Variants in BSDC1 observed in about 807,000 individuals in gnomAD.
The protein encoded by BSDC1 is BSD domain containing 1.
A neutral mutation model predicts 56.0 loss-of-function variants in BSDC1; 29 were observed. That is an observed-to-expected ratio of 0.52 (90% CI 0.39 to 0.71). BSDC1 has a LOEUF of 0.71. Among genes scored for constraint, BSDC1 ranks in the 30% least tolerant of loss-of-function variants. The pLI, the probability that BSDC1 is intolerant of heterozygous loss-of-function variation, is 0.00. For synonymous variants in BSDC1, 210 were observed against 215.3 expected (o/e 0.98, Z 0.21); for missense variants, 477 against 548.5 (o/e 0.87, Z 1.30).
chr1:32,379,821 C>T (rs767670011), intron 5 of BSDC1, among the ~76,000 whole-genome samples: 21 of 152,192 alleles, frequency 1.4e-4, no homozygotes, highest in Non-Finnish European at 2.6e-4. Context: ...TCTGGCCTTA[C>T]CTCTGACACG....
chr1:32,376,127 A>G lies in BSDC1; in HGVS notation c.1156+135T>C, dbSNP rs1022081953. On this transcript the variant is annotated intron_variant, in intron 9 of 10. Coordinates refer to ENST00000455895, the MANE Select transcript of BSDC1 (RefSeq NM_018045.8). ...AAATATGTTAGCAAATAGTCAATATATAGCAGCTGTCATCATTATCAGAAA... is the reference window on the plus strand; with the variant it reads ...AAATATGTTAGCAAATAGTCAATATGTAGCAGCTGTCATCATTATCAGAAA... 3 of 909,518 alleles carry G rather than the reference A, an allele frequency of 3.3e-6. No individual in the cohort carries two copies. The African/African-American group carries it at 4.9e-5, about 15-fold the overall frequency. The allele number at this position is 909,518 out of a possible 1,614,324, so 56.3% of individuals were successfully genotyped here. A position where few individuals can be genotyped will look rare whatever the true frequency, so the allele number is the denominator to read the frequency against.
intron 2 of BSDC1, among the ~76,000 whole-genome samples, chr1:32,387,224 A>G (rs1642702887): frequency 6.6e-6 from 1 of 152,248 alleles, no homozygotes; most frequent in Non-Finnish European, 1.5e-5. Context: ...TCAAGAGCAA[A>G]CAGGAAAAGA....
Position 32,381,326 on chromosome 1 carries a change from C to A in BSDC1, c.358-58G>T, listed in dbSNP as rs1256067641. Reference sequence around the variant, plus strand: ...TCTGAGATACTGGGCATAGAAAGCACCCTTTCTCTGCCAGGATACTCAGTC... The same window carrying A: ...TCTGAGATACTGGGCATAGAAAGCAACCTTTCTCTGCCAGGATACTCAGTC... On this transcript the variant is annotated intron_variant, in intron 4 of 10. Transcript: ENST00000455895. 5.3e-6 allele frequency: 8 copies of A among 1,503,458 alleles called. No homozygotes were observed. The Admixed American group carries it at 1.4e-4, about 27-fold the overall frequency. The allele number at this position is 1,503,458 out of a possible 1,614,324, so 93.1% of individuals were successfully genotyped here.
chr1:32,381,323 GCACC>G, intron 4 of BSDC1, 55 bp from the exon 5 acceptor site: 4 of 1,546,178 alleles, frequency 2.6e-6, no homozygotes, highest in Non-Finnish European at 3.6e-6. Context: ...GGCATAGAAA[GCACC>G]CTTTCTCTGC....
At chr1:32,386,965 T>G (rs1570164001) in intron 2 of BSDC1, 70 bp from the exon 3 acceptor site, 2 of 1,210,444 alleles carry the variant, frequency 1.7e-6, no homozygotes, top group Admixed American at 3.5e-5. Context: ...TCCCTGTGTT[T>G]CTTCAGTACC....
chr1:32,387,515 AT>A (rs1642716607), intron 2 of BSDC1, among the ~76,000 whole-genome samples: 1 of 151,892 alleles, frequency 6.6e-6, no homozygotes, highest in Admixed American at 6.6e-5. Context: ...CTAATTTTGT[AT>A]TTTTAGTAGA....
chr1:32,384,224 A>T (rs1189997456), intron 3 of BSDC1, among the ~76,000 whole-genome samples: 1 of 136,846 alleles, frequency 7.3e-6, no homozygotes, highest in East Asian at 2.2e-4. Flanking sequence ...TAGATCAGAG[A>T]TCTTTGATTG....
At chr1:32,394,003 G>C in intron 2 of BSDC1, 77 bp downstream of exon 2, 1 of 1,470,486 alleles carries the variant, frequency 6.8e-7, no homozygotes, top group Non-Finnish European at 9.3e-7. Flanking sequence ...CAAAAGTTGG[G>C]CGGGGCTGGT....
intron 10 of BSDC1, chr1:32,367,155 G>A (rs1282143591): frequency 1.0e-6 from 1 of 985,836 alleles, no homozygotes. Flanking sequence ...GTGGCCTACA[G>A]ATGCCCACTA....
At chr1:32,381,100 T>C in intron 5 of BSDC1, 114 bp downstream of exon 5, 1 of 929,268 alleles carries the variant, frequency 1.1e-6, no homozygotes, top group Non-Finnish European at 1.7e-6. Flanking sequence ...CTCACTCTGG[T>C]CTCCCTACAT....
At position 32,378,320 on chromosome 1, in the gene BSDC1, G is replaced by A; in HGVS notation, c.529-37C>T. On this transcript the variant is annotated intron_variant, in intron 6 of 10. Coordinates refer to ENST00000455895, the MANE Select transcript of BSDC1 (RefSeq NM_018045.8). This position sits in a 1 kb window ranked among gnomAD's most constrained non-coding sequence, Gnocchi z 5.2. ...GGAAAATGGAGGTGAGACTTTGGGA[G>A]TGTTTGTGTGGGGTCTGTGTCCCCA... 1 of 1,597,792 alleles carries A rather than the reference G, an allele frequency of 6.3e-7. No individual in the cohort carries two copies. Among genetic ancestry groups the A allele is most frequent in the Non-Finnish European group, 8.6e-7 (1 of 1,165,192 alleles).
intron 2 of BSDC1, among the ~76,000 whole-genome samples, chr1:32,391,265 A>T (rs752625516): frequency 2.0e-5 from 3 of 147,548 alleles, no homozygotes; most frequent in Non-Finnish European, 2.9e-5. Context: ...GGTAAAGCTG[A>T]CTGAGTAAAG....
At chr1:32,391,149 A>T (rs974574121) in intron 2 of BSDC1, among the ~76,000 whole-genome samples, 2 of 152,122 alleles carry the variant, frequency 1.3e-5, no homozygotes, top group Non-Finnish European at 2.9e-5. Flanking sequence ...CACAAATGCC[A>T]AGAGAGTAGC....
chr1:32,368,540 C>T lies in BSDC1; in HGVS notation c.1167G>A (p.Thr389=), dbSNP rs147779640. ...CTTTCTCCCAGTCCTCACTGATGTCCGTGCTTGAGCCTGGAACCACGAGCC... is the reference window on the plus strand; with the variant it reads ...CTTTCTCCCAGTCCTCACTGATGTCTGTGCTTGAGCCTGGAACCACGAGCC... The part of the protein sequence containing the change: ...PSNNGKKGSS[T]DISEDWEKDF... The change falls in exon 10 of 11, where the codon ACG becomes ACA. Residue 389 remains threonine, a synonymous_variant. Coordinates refer to ENST00000455895, the MANE Select transcript of BSDC1 (RefSeq NM_018045.8). 1,067 of 1,614,086 alleles carry T rather than the reference C, an allele frequency of 6.6e-4. 9 individuals are homozygous for T. In the African/African-American group the frequency reaches 0.012, roughly 19 times the overall value.
At chr1:32,372,639 G>A (rs1642134302) in intron 9 of BSDC1, among the ~76,000 whole-genome samples, 1 of 152,214 alleles carries the variant, frequency 6.6e-6, no homozygotes. Flanking sequence ...CACAAGGAGA[G>A]CACTAAGATC....
intron 9 of BSDC1, among the ~76,000 whole-genome samples, chr1:32,372,145 A>C (rs1234489446): frequency 1.3e-5 from 2 of 152,222 alleles, no homozygotes; most frequent in African/African-American, 4.8e-5. Context: ...CTATGTAATG[A>C]ATGGTGCTGC....
intron 9 of BSDC1, among the ~76,000 whole-genome samples, chr1:32,370,803 C>CAAA (rs58351365): frequency 3.8e-4 from 19 of 50,112 alleles, no homozygotes; most frequent in East Asian, 2.2e-3. Flanking sequence ...GACTCCGTCT[C>CAAA]AAAAAAAAAA....
chr1:32,368,423 C>T (rs1300905245), intron 10 of BSDC1, 24 bp downstream of exon 10: 3 of 1,614,038 alleles, frequency 1.9e-6, no homozygotes, highest in Non-Finnish European at 1.7e-6. Flanking sequence ...GCTCGCTTCC[C>T]TCTGACCCAC....
chr1:32,377,991 G>A lies in BSDC1; in HGVS notation c.655C>T (p.Pro219Ser), dbSNP rs1642353887. 3 of 1,613,256 alleles carry A rather than the reference G, an allele frequency of 1.9e-6. No individual in the cohort carries two copies. Among genetic ancestry groups the A allele is most frequent in the Non-Finnish European group, 2.5e-6 (3 of 1,179,590 alleles). ...TTACCTTCCTCCTCCTCCCAGCCGG[G>A]CTCTTCAGAGATGCTCTGTTCCGCC... ...QRAEQSISEE[P>S]GWEEEEEELM... The change falls in exon 8 of 11, where the codon CCC (proline) becomes TCC (serine). Residue 219 changes from proline (P) to serine (S), a missense_variant. By Grantham distance (74) the Pro-to-Ser change is moderately conservative. Transcript: ENST00000455895.
Sources: gnomAD v4.1 joint callset for allele counts (sites outside exome capture counted in the v4.1 genomes callset) on GRCh38, gnomAD v4.1.1 for gene constraint, Gnocchi (gnomAD v3.1) non-coding constraint, MANE v1.5 for transcripts, NCBI Gene and HGNC (gene_info 2026-07-23, HGNC 2026-07-21) for gene names.